The following PRELID3A variants were observed in gnomAD, a reference collection of about 807,000 sequenced individuals.
PRELID3A encodes PRELI domain containing protein 3A.
Under a neutral mutation model 23.0 loss-of-function variants are expected in PRELID3A, and 27 were observed. That is an observed-to-expected ratio of 1.17 (90% CI 0.87 to 1.62). The LOEUF (loss-of-function observed/expected upper bound fraction) is 1.62, where lower values mean the gene tolerates loss of function less well. Ranked by LOEUF, PRELID3A falls within the 40% of genes most tolerant of loss-of-function variation. The pLI is 0.00. For missense variants in PRELID3A, 231 were observed against 231.4 expected, an observed-to-expected ratio of 1.00 and a Z score of 0.01; for synonymous variants, 87 against 86.4, an observed-to-expected ratio of 1.01 and a Z score of -0.04.
intron 1 of PRELID3A, 123 bp downstream of exon 1, chr18:12,408,130 C>A: frequency 2.2e-6 from 2 of 922,526 alleles, no homozygotes; most frequent in Non-Finnish European, 2.8e-6. Flanking sequence ...CCCCGCCCCG[C>A]GCCGGCCGTT....
chr18:12,430,344 C>T (rs933683863), intron 6 of PRELID3A, among the ~76,000 whole-genome samples: 5 of 145,698 alleles, frequency 3.4e-5, no homozygotes, highest in South Asian at 2.2e-4. Flanking sequence ...GTGTGCTGTG[C>T]GTGGTATGTA....
At chr18:12,417,236 C>T (rs1359982170) in intron 1 of PRELID3A, among the ~76,000 whole-genome samples, 2 of 151,978 alleles carry the variant, frequency 1.3e-5, no homozygotes, top group Non-Finnish European at 2.9e-5. Flanking sequence ...TGCAGTGGCG[C>T]GATCTCGGCT....
intron 3 of PRELID3A, among the ~76,000 whole-genome samples, chr18:12,426,293 G>A (rs1464952868): frequency 3.3e-5 from 5 of 151,310 alleles, no homozygotes; most frequent in African/African-American, 7.3e-5. Flanking sequence ...AGTGGCTCAC[G>A]CCTGTAATCC....
intron 2 of PRELID3A, among the ~76,000 whole-genome samples, chr18:12,420,956 CCCAGCGTCCGCAG>C (rs991645409): frequency 6.6e-6 from 1 of 152,150 alleles, no homozygotes; most frequent in African/African-American, 2.4e-5. Context: ...GCCTCTAAAG[CCCAGCGTCCGCAG>C]CCAGCCGCAT....
At chr18:12,429,309 C>T (rs1430754933) in intron 5 of PRELID3A, 41 bp from the exon 6 acceptor site, 7 of 1,587,132 alleles carry the variant, frequency 4.4e-6, no homozygotes, top group East Asian at 2.2e-5. Flanking sequence ...CAGCGGGAGG[C>T]GGGACGACCC....
At chr18:12,416,565 C>T (rs1438518473) in intron 1 of PRELID3A, among the ~76,000 whole-genome samples, 2 of 152,204 alleles carry the variant, frequency 1.3e-5, no homozygotes, top group Non-Finnish European at 2.9e-5. Flanking sequence ...AGTCTTCCTG[C>T]CTCAGCCTCC....
chr18:12,421,308 G>A, intron 2 of PRELID3A: 1 of 508,314 alleles, frequency 2.0e-6, no homozygotes, highest in Non-Finnish European at 3.5e-6. Flanking sequence ...TATTTTGCCG[G>A]GAGCATAGTG....
At chr18:12,414,337 A>G (rs533310097) in intron 1 of PRELID3A, among the ~76,000 whole-genome samples, 2 of 152,344 alleles carry the variant, frequency 1.3e-5, no homozygotes, top group South Asian at 2.1e-4. Context: ...CGGTGACCAC[A>G]TGCAATTTGG....
intron 1 of PRELID3A, 28 bp downstream of exon 1, chr18:12,408,035 G>A: frequency 1.6e-6 from 2 of 1,252,250 alleles, no homozygotes; most frequent in Non-Finnish European, 2.0e-6. Flanking sequence ...GCCGCGGTGG[G>A]GCCGTCCAGA....
chr18:12,413,158 A>G (rs1909972001), intron 1 of PRELID3A, among the ~76,000 whole-genome samples: 1 of 152,230 alleles, frequency 6.6e-6, no homozygotes, highest in African/African-American at 2.4e-5. Context: ...ACTTAGTTGG[A>G]ATACAAAACC....
chr18:12,413,454 A>T (rs1306361349), intron 1 of PRELID3A, among the ~76,000 whole-genome samples: 2 of 152,198 alleles, frequency 1.3e-5, no homozygotes, highest in African/African-American at 4.8e-5. Flanking sequence ...CCTGTGTATG[A>T]ATGAGTCTTT....
chr18:12,411,550 C>CA (rs1909913450), intron 1 of PRELID3A, among the ~76,000 whole-genome samples: 1 of 151,666 alleles, frequency 6.6e-6, no homozygotes, highest in East Asian at 1.9e-4. Flanking sequence ...ACAAAATCAT[C>CA]AATAACAAAG....
chr18:12,428,713 A>T (rs1335002943), intron 5 of PRELID3A, among the ~76,000 whole-genome samples: 2 of 152,240 alleles, frequency 1.3e-5, no homozygotes, highest in African/African-American at 4.8e-5. Flanking sequence ...AGCTTTGTCC[A>T]TGCTGGAGGA....
rs67993774 is a variant in PRELID3A at position 12,426,563 on chromosome 18, A to AAAAAG, written c.292-475_292-474insAGAAA. The stretch of plus-strand genomic sequence containing the variant: ...AGTGAGACTCCATCTCAAAAAAAAA[A>AAAAAG]AAAGTATAAATATGTACATAAGGAG... On this transcript the variant is annotated intron_variant, in intron 3 of 6. Transcript: ENST00000440960. Among the ~76,000 whole-genome samples, 24 of 87,712 alleles carry AAAAAG rather than the reference A, an allele frequency of 2.7e-4. 5 individuals carry two copies. The highest frequency in any genetic ancestry group is 1.0e-3 in the African/African-American group (24 of 23,392). 57.5% of individuals were successfully genotyped at this position (87,712 alleles called of 152,430 possible). A position where few individuals can be genotyped will look rare whatever the true frequency, so the allele number is the denominator to read the frequency against.
rs1366174390 is a variant in PRELID3A, at chr18:12,421,536, C to G, written c.202-4C>G. On this transcript the variant is annotated splice_polypyrimidine_tract_variant and splice_region_variant and intron_variant, in intron 2 of 6. Coordinates refer to ENST00000440960, the MANE Select transcript of PRELID3A (RefSeq NM_001142405.2). ...CACTATGCTAGTTTTGCTTTGTTTT[C>G]TAGATTTTGGGAACCAGTAGGACAT... 6.2e-7 allele frequency: 1 copy of G among 1,604,462 alleles called. No individual in the cohort carries two copies. Among genetic ancestry groups the G allele is most frequent in the Non-Finnish European group, 8.5e-7 (1 of 1,171,404 alleles).
intron 3 of PRELID3A, 133 bp from the exon 4 acceptor site, chr18:12,426,908 G>A (rs957803787): frequency 2.9e-5 from 19 of 645,122 alleles, no homozygotes; most frequent in Non-Finnish European, 4.4e-5. Context: ...TAATGTGGTC[G>A]TATCTCCTAT....
At chr18:12,423,266 G>A (rs181280105) in intron 3 of PRELID3A, among the ~76,000 whole-genome samples, 29 of 152,278 alleles carry the variant, frequency 1.9e-4, no homozygotes, top group African/African-American at 6.3e-4. Context: ...GCCGGAGGTC[G>A]TTTTCGTGGT....
At chr18:12,426,337 G>A (rs1221378543) in intron 3 of PRELID3A, among the ~76,000 whole-genome samples, 7 of 151,318 alleles carry the variant, frequency 4.6e-5, no homozygotes, top group East Asian at 1.9e-4. Flanking sequence ...GGCGGATCAC[G>A]AGGTCAGGAG....
chr18:12,417,442 G>T (rs2029998267), intron 1 of PRELID3A, among the ~76,000 whole-genome samples: 2 of 152,170 alleles, frequency 1.3e-5, no homozygotes, highest in South Asian at 2.1e-4. Flanking sequence ...CCACAGTGCT[G>T]GGATTACAGG....
Sources: gnomAD v4.1 joint callset for allele counts (sites outside exome capture counted in the v4.1 genomes callset) on GRCh38, gnomAD v4.1.1 for gene constraint, MANE v1.5 for transcripts, NCBI Gene and HGNC (gene_info 2026-07-23, HGNC 2026-07-21) for gene names.